CACNA2D3: variants seen among roughly 807,000 people sequenced by gnomAD.
CACNA2D3 encodes the protein calcium voltage-gated channel auxiliary subunit alpha2delta 3.
Under a neutral mutation model 160.6 loss-of-function variants are expected in CACNA2D3, and 60 were observed. That is an observed-to-expected ratio of 0.37 (90% CI 0.30 to 0.46). The LOEUF (loss-of-function observed/expected upper bound fraction) is 0.46. Among genes scored for constraint, CACNA2D3 ranks in the 20% least tolerant of loss-of-function variants. The pLI is 1.00. For synonymous variants in CACNA2D3, 558 were observed against 492.9 expected, an observed-to-expected ratio of 1.13 and a Z score of -1.75; for missense variants, 1,205 against 1,365.0, an observed-to-expected ratio of 0.88 and a Z score of 1.85.
At chr3:54,294,876 C>G (rs1215267464) in intron 2 of CACNA2D3, among the ~76,000 whole-genome samples, 5 of 152,098 alleles carry the variant, frequency 3.3e-5, no homozygotes, top group Admixed American at 2.0e-4. Context: ...TTAGAGAAGT[C>G]AGGGGTTTGA....
intron 9 of CACNA2D3, among the ~76,000 whole-genome samples, chr3:54,608,967 AC>A (rs1372903481): frequency 1.3e-5 from 2 of 152,136 alleles, no homozygotes; most frequent in African/African-American, 4.8e-5. Context: ...TGTTTTCTTA[AC>A]TACAACCCAA....
chr3:54,824,890 T>TA (rs1269724072), intron 14 of CACNA2D3, among the ~76,000 whole-genome samples: 3 of 152,214 alleles, frequency 2.0e-5, no homozygotes, highest in Non-Finnish European at 4.4e-5. Flanking sequence ...TGGTTTCTTT[T>TA]AAAAATAGGC....
intron 2 of CACNA2D3, among the ~76,000 whole-genome samples, chr3:54,302,793 C>T (rs201249565): frequency 1.3e-5 from 2 of 151,812 alleles, no homozygotes; most frequent in South Asian, 4.2e-4. Flanking sequence ...CTCCTCCATC[C>T]GGTTGTACAC....
At chr3:54,752,849 T>C (rs80252605) in intron 12 of CACNA2D3, among the ~76,000 whole-genome samples, 172 bp downstream of exon 12, 1 of 148,420 alleles carries the variant, frequency 6.7e-6, no homozygotes, top group African/African-American at 2.5e-5. Context: ...TTTTTTTTTT[T>C]CTGTTCTTTT....
intron 29 of CACNA2D3, among the ~76,000 whole-genome samples, chr3:54,979,689 G>T (rs1463095872): frequency 1.3e-5 from 2 of 152,104 alleles, no homozygotes; most frequent in Admixed American, 6.5e-5. Context: ...CAGAACTCCT[G>T]TTCTGTCATG....
At chr3:54,292,471 G>A (rs1703233467) in intron 2 of CACNA2D3, among the ~76,000 whole-genome samples, 1 of 152,008 alleles carries the variant, frequency 6.6e-6, no homozygotes, top group African/African-American at 2.4e-5. Context: ...AACCCTTACA[G>A]CTCAATAATA....
intron 2 of CACNA2D3, among the ~76,000 whole-genome samples, chr3:54,244,251 C>G (rs117126521): frequency 6.6e-6 from 1 of 152,136 alleles, no homozygotes; most frequent in Non-Finnish European, 1.5e-5. Context: ...TGTGAGGAAG[C>G]GCCCCGAATC....
chr3:54,723,124 G>A (rs1428687490), intron 11 of CACNA2D3, among the ~76,000 whole-genome samples: 1 of 152,256 alleles, frequency 6.6e-6, no homozygotes, highest in Non-Finnish European at 1.5e-5. Context: ...TCTGGCCAGA[G>A]CAGCCTTGCT....
chr3:54,915,825 G>A (rs1216085345), intron 27 of CACNA2D3, among the ~76,000 whole-genome samples: 1 of 152,188 alleles, frequency 6.6e-6, no homozygotes, highest in African/African-American at 2.4e-5. Context: ...ATAGAAATCT[G>A]AATATAAGTA....
At chr3:54,752,575 G>T in intron 11 of CACNA2D3, 24 bp from the exon 12 acceptor site, 1 of 1,589,792 alleles carries the variant, frequency 6.3e-7, no homozygotes, top group Non-Finnish European at 8.6e-7. Context: ...ATGCCGCTCA[G>T]CCATGCGTTT....
At chr3:54,948,394 A>G (rs1213649808) in intron 27 of CACNA2D3, among the ~76,000 whole-genome samples, 3 of 152,250 alleles carry the variant, frequency 2.0e-5, no homozygotes, top group Non-Finnish European at 2.9e-5. Context: ...GAGGTTAGCA[A>G]CTAGGCCCTT....
chr3:54,462,520 C>G (rs1204834947), intron 4 of CACNA2D3, among the ~76,000 whole-genome samples: 1 of 152,114 alleles, frequency 6.6e-6, no homozygotes, highest in Non-Finnish European at 1.5e-5. Context: ...ATCCCTTTAC[C>G]ATTATGCAAT....
At position 54,879,496 on chromosome 3, in the gene CACNA2D3, C is replaced by G. The variant is rs868101079; in HGVS notation, c.1844+85C>G. 14 of 976,396 alleles carry G rather than the reference C, an allele frequency of 1.4e-5. No individual in the cohort carries two copies. The South Asian group carries it at 1.5e-4, about 10-fold the overall frequency. The allele number at this position is 976,396 out of a possible 1,614,324, so 60.5% of individuals were successfully genotyped here. On this transcript the variant is annotated intron_variant, in intron 20 of 37. Coordinates refer to ENST00000474759, the MANE Select transcript of CACNA2D3 (RefSeq NM_018398.3). ...ACCTGCTGACACTCTCAGAGCTCATCATCTGAAGATAACCAAACACCCTGC... is the reference window on the plus strand; with the variant it reads ...ACCTGCTGACACTCTCAGAGCTCATGATCTGAAGATAACCAAACACCCTGC...
chr3:54,537,878 C>T (rs762795637), intron 5 of CACNA2D3, among the ~76,000 whole-genome samples: 11 of 152,144 alleles, frequency 7.2e-5, no homozygotes, highest in Non-Finnish European at 1.3e-4. Context: ...GTTTCTGGCC[C>T]CGACTTGTAC....
chr3:54,467,887 C>G (rs1043694870), intron 4 of CACNA2D3, among the ~76,000 whole-genome samples: 1 of 152,100 alleles, frequency 6.6e-6, no homozygotes, highest in South Asian at 2.1e-4. Flanking sequence ...AAGTTCTTAT[C>G]ACAAAGAAAT....
intron 5 of CACNA2D3, among the ~76,000 whole-genome samples, chr3:54,504,801 T>C (rs2106948218): frequency 6.6e-6 from 1 of 152,354 alleles, no homozygotes. Flanking sequence ...CAACTTTGCC[T>C]TTCTGAGGCT....
intron 2 of CACNA2D3, among the ~76,000 whole-genome samples, chr3:54,123,988 G>A (rs1442658473): frequency 6.6e-6 from 1 of 152,178 alleles, no homozygotes; most frequent in Non-Finnish European, 1.5e-5. Context: ...CCTTGCGTTG[G>A]AGGCGTGGGG....
At chr3:54,529,317 A>G (rs779312441) in intron 5 of CACNA2D3, among the ~76,000 whole-genome samples, 14 of 152,174 alleles carry the variant, frequency 9.2e-5, no homozygotes, top group Non-Finnish European at 1.6e-4. Flanking sequence ...CCTGCCAAAT[A>G]GAGGCAAGGG....
At chr3:54,246,107 C>T (rs1189061366) in intron 2 of CACNA2D3, among the ~76,000 whole-genome samples, 2 of 152,148 alleles carry the variant, frequency 1.3e-5, no homozygotes, top group East Asian at 3.9e-4. Context: ...CTCTGTTGTT[C>T]AGTGATTTTG....
Sources: allele counts gnomAD v4.1 joint callset (sites outside exome capture counted in the v4.1 genomes callset), GRCh38; gene constraint gnomAD v4.1.1; transcripts MANE v1.5; gene names NCBI Gene and HGNC (gene_info 2026-07-23, HGNC 2026-07-21).